Variants in GALNTL6 observed in about 807,000 individuals in gnomAD.
GALNTL6 encodes polypeptide N-acetylgalactosaminyltransferase like 6.
Under a neutral mutation model 73.7 loss-of-function variants are expected in GALNTL6, and 46 were observed. That is an observed-to-expected ratio of 0.62 (90% confidence interval 0.49 to 0.80). The LOEUF (loss-of-function observed/expected upper bound fraction) is 0.80. Among genes scored for constraint, GALNTL6 ranks in the 30% least tolerant of loss-of-function variants. The pLI is 0.00. For synonymous variants in GALNTL6, 259 were observed against 263.7 expected, an observed-to-expected ratio of 0.98 and a Z score of 0.17; for missense variants, 604 against 755.0, an observed-to-expected ratio of 0.80 and a Z score of 2.34.
chr4:171,967,451 T>TTTTTTGTTTG (rs1553976663), intron 2 of GALNTL6, among the ~76,000 whole-genome samples: 88 of 67,892 alleles, frequency 1.3e-3, no homozygotes, highest in African/African-American at 2.3e-3. Flanking sequence ...CTATGGGTTT[T>TTTTTTGTTTG]TTTTTTTTTT....
Position 172,157,449 on chromosome 4 carries a change from T to G in GALNTL6, c.139-72207T>G, listed in dbSNP as rs1873567. On this transcript the variant is annotated intron_variant, in intron 2 of 12. Coordinates refer to ENST00000506823, the MANE Select transcript of GALNTL6 (RefSeq NM_001034845.3). Reference sequence around the variant, plus strand: ...TTGATTTCCTAAATCTGTTTCTTCATTCTGGGAGGCAGCCTACACCAATGG... The same window carrying G: ...TTGATTTCCTAAATCTGTTTCTTCAGTCTGGGAGGCAGCCTACACCAATGG... 5.2e-3 allele frequency among the ~76,000 whole-genome samples: 796 copies of G among 152,062 alleles called. 11 individuals are homozygous for G. Among genetic ancestry groups the G allele is most frequent in the African/African-American group, 0.018 (756 of 41,462 alleles).
intron 2 of GALNTL6, among the ~76,000 whole-genome samples, chr4:172,019,735 C>T (rs1297042224): frequency 6.6e-6 from 1 of 151,978 alleles, no homozygotes; most frequent in African/African-American, 2.4e-5. Flanking sequence ...ACTTCAACAC[C>T]CCACTTTCAG....
intron 2 of GALNTL6, among the ~76,000 whole-genome samples, chr4:171,902,319 T>C (rs2110944779): frequency 6.6e-6 from 1 of 152,324 alleles, no homozygotes; most frequent in Non-Finnish European, 1.5e-5. Flanking sequence ...ATGTTAATAT[T>C]AGAAATTCAG....
intron 2 of GALNTL6, among the ~76,000 whole-genome samples, chr4:172,113,995 C>T (rs1732923456): frequency 6.6e-6 from 1 of 151,952 alleles, no homozygotes. Context: ...CTTATTGAAA[C>T]AAGACAAACA....
chr4:172,388,678 A>G (rs1343999846), intron 5 of GALNTL6, among the ~76,000 whole-genome samples: 2 of 152,056 alleles, frequency 1.3e-5, no homozygotes, highest in African/African-American at 4.8e-5. Context: ...TAATTTCTGG[A>G]ATTCATATTC....
chr4:172,528,963 A>ATATATATATATATG lies in GALNTL6; in HGVS notation c.553+180275_553+180276insATATATATATATGT, dbSNP rs1350827830. Among the ~76,000 whole-genome samples, 28 of 30,232 alleles carry ATATATATATATATG rather than the reference A, an allele frequency of 9.3e-4. 3 individuals carry two copies. In the South Asian group the frequency reaches 0.021, roughly 23 times the overall value. The allele number at this position is 30,232 out of a possible 152,430, so 19.8% of individuals were successfully genotyped here. ...TGTTTTCCCAAAGGCATATATATAT[A>ATATATATATATATG]TGTGTGTGTATATTTATACATATGT... On this transcript the variant is annotated intron_variant, in intron 5 of 12. Transcript: ENST00000506823.
At chr4:172,736,317 C>A (rs565706351) in intron 5 of GALNTL6, among the ~76,000 whole-genome samples, 1 of 152,178 alleles carries the variant, frequency 6.6e-6, no homozygotes, top group Non-Finnish European at 1.5e-5. Context: ...CAATATTTTC[C>A]CAGGGCTGTT....
chr4:172,693,111 C>G (rs1050637855), intron 5 of GALNTL6, among the ~76,000 whole-genome samples: 19 of 152,228 alleles, frequency 1.2e-4, no homozygotes, highest in African/African-American at 4.1e-4. Context: ...TAAAATAGGG[C>G]AAATGGAACA....
At chr4:172,936,230 C>A (rs146297635) in intron 9 of GALNTL6, among the ~76,000 whole-genome samples, 2,572 of 152,222 alleles carry the variant, frequency 0.017, 75 homozygotes, top group African/African-American at 0.059. Context: ...AAATTCAACA[C>A]CCCTTCATTC....
At chr4:172,426,816 C>G (rs1731248025) in intron 5 of GALNTL6, among the ~76,000 whole-genome samples, 2 of 152,032 alleles carry the variant, frequency 1.3e-5, no homozygotes, top group Admixed American at 1.3e-4. Flanking sequence ...ATAGCATGGG[C>G]AACCACAGCA....
chr4:171,987,129 T>G (rs1740121194), intron 2 of GALNTL6, among the ~76,000 whole-genome samples: 1 of 152,170 alleles, frequency 6.6e-6, no homozygotes, highest in African/African-American at 2.4e-5. Flanking sequence ...AAATGGGCTG[T>G]ACCCTGTAGC....
intron 7 of GALNTL6, among the ~76,000 whole-genome samples, chr4:172,828,888 T>A (rs1339182277): frequency 6.6e-6 from 1 of 152,168 alleles, no homozygotes; most frequent in Non-Finnish European, 1.5e-5. Context: ...TACTACAAAC[T>A]GAGAGGCTTG....
chr4:171,832,274 G>A (rs951779000), intron 2 of GALNTL6, among the ~76,000 whole-genome samples: 1 of 150,920 alleles, frequency 6.6e-6, no homozygotes, highest in Admixed American at 6.6e-5. Flanking sequence ...ATAGTAATCT[G>A]ATCTATATAT....
chr4:171,823,476 T>C (rs988030157), intron 2 of GALNTL6, among the ~76,000 whole-genome samples: 2 of 151,932 alleles, frequency 1.3e-5, no homozygotes, highest in African/African-American at 2.4e-5. Context: ...GGCAGAGATG[T>C]CTGAGATTTT....
At chr4:172,784,595 A>C (rs1230464672) in intron 5 of GALNTL6, among the ~76,000 whole-genome samples, 12 of 152,156 alleles carry the variant, frequency 7.9e-5, no homozygotes, top group Admixed American at 7.9e-4. Flanking sequence ...GCCTATTATT[A>C]CTACCACAGC....
intron 12 of GALNTL6, among the ~76,000 whole-genome samples, chr4:173,036,188 G>A (rs746839270): frequency 9.2e-5 from 14 of 152,042 alleles, no homozygotes; most frequent in Non-Finnish European, 1.9e-4. Flanking sequence ...TTGTCTCTCC[G>A]CCCCCTATGT....
intron 5 of GALNTL6, among the ~76,000 whole-genome samples, chr4:172,442,917 G>C (rs1056881496): frequency 6.6e-6 from 1 of 151,618 alleles, no homozygotes. Flanking sequence ...AGGAAGCTTT[G>C]CAAGCTACTG....
intron 5 of GALNTL6, among the ~76,000 whole-genome samples, chr4:172,632,524 A>T (rs1739443401): frequency 6.6e-6 from 1 of 152,154 alleles, no homozygotes; most frequent in Admixed American, 6.5e-5. Context: ...CTTGAGAGAG[A>T]TAATTTAAGG....
chr4:172,274,754 A>G (rs1169695348), intron 3 of GALNTL6, among the ~76,000 whole-genome samples: 3 of 152,238 alleles, frequency 2.0e-5, no homozygotes, highest in African/African-American at 7.2e-5. Flanking sequence ...TTCAGAATTC[A>G]TAGCCATTAT....
Sources: allele counts gnomAD v4.1 joint callset (sites outside exome capture counted in the v4.1 genomes callset), GRCh38; gene constraint gnomAD v4.1.1; transcripts MANE v1.5; gene names NCBI Gene and HGNC (gene_info 2026-07-23, HGNC 2026-07-21).